Variants in PRR16 observed in about 807,000 individuals in gnomAD.
The protein encoded by PRR16 is protein Largen.
In PRR16, 6 loss-of-function variants were observed where a neutral mutation model predicts 18.2. The observed-to-expected ratio is 0.33, with a 90% CI of 0.18 to 0.65. PRR16 has a LOEUF of 0.65. Ranked by LOEUF, PRR16 falls within the 30% of genes least tolerant of loss-of-function variation. The probability of loss-of-function intolerance (pLI) is 0.74; values close to 1 mark genes in which losing one functional copy is unlikely to be tolerated. For synonymous variants in PRR16, 151 were observed against 147.8 expected (o/e 1.02, Z -0.16); for missense variants, 412 against 376.6 (o/e 1.09, Z -0.78).
intron 1 of PRR16, among the ~76,000 whole-genome samples, chr5:120,628,209 T>C (rs1015068263): frequency 2.0e-5 from 3 of 152,120 alleles, no homozygotes; most frequent in African/African-American, 7.2e-5. Context: ...CAGAACCTGA[T>C]GCGCTGACAG....
intron 1 of PRR16, among the ~76,000 whole-genome samples, chr5:120,569,282 T>G (rs2112732135): frequency 6.6e-6 from 1 of 152,282 alleles, no homozygotes; most frequent in Middle Eastern, 3.4e-3. Context: ...TTGTAAAAAC[T>G]TATAAAACTG....
At chr5:120,691,186 C>T (rs1470816056), downstream of PRR16, among the ~76,000 whole-genome samples, 1 of 152,138 alleles carries the variant, frequency 6.6e-6, no homozygotes, top group African/African-American at 2.4e-5. Flanking sequence ...TTTGTGCTGC[C>T]AGCACGACTC....
At chr5:120,742,653 ACTT>A in the PRR16 span, among the ~76,000 whole-genome samples, 1 of 152,096 alleles carries the variant, frequency 6.6e-6, no homozygotes, top group Non-Finnish European at 1.5e-5. Flanking sequence ...ATGCATCTAA[ACTT>A]CTTTCTATCT....
At chr5:120,706,072 A>G in the PRR16 span, among the ~76,000 whole-genome samples, 3 of 152,178 alleles carry the variant, frequency 2.0e-5, no homozygotes, top group African/African-American at 7.2e-5. Flanking sequence ...ATGGCTTCCA[A>G]TGGCCTTACA....
chr5:120,587,471 C>A (rs999102628), intron 1 of PRR16, among the ~76,000 whole-genome samples: 1 of 152,130 alleles, frequency 6.6e-6, no homozygotes, highest in Non-Finnish European at 1.5e-5. Context: ...CACCTGATGA[C>A]TTTAAGTTGA....
intron 1 of PRR16, among the ~76,000 whole-genome samples, chr5:120,666,907 G>A: frequency 2.1e-5 from 3 of 145,740 alleles, no homozygotes; most frequent in East Asian, 2.0e-4. Flanking sequence ...CAAGGATATT[G>A]GTCTAAAATT....
At chr5:120,703,524 G>C in the PRR16 span, among the ~76,000 whole-genome samples, 10 of 152,286 alleles carry the variant, frequency 6.6e-5, no homozygotes, top group Non-Finnish European at 1.0e-4. Context: ...TGTGTTTGAT[G>C]CAATCACTTT....
At chr5:120,560,339 A>G (rs956399739) in intron 1 of PRR16, among the ~76,000 whole-genome samples, 1 of 151,880 alleles carries the variant, frequency 6.6e-6, no homozygotes, top group Non-Finnish European at 1.5e-5. Flanking sequence ...AAGGGTTTTT[A>G]TCATGAAGGA....
rs77108237 is a variant in PRR16, at chr5:120,573,439, T to G, written c.159+108794T>G. Among the ~76,000 whole-genome samples, 180 of 152,294 alleles carry G rather than the reference T, an allele frequency of 1.2e-3. 4 individuals carry two copies. The East Asian group carries it at 0.03, about 25-fold the overall frequency. ...GGCCATAGTTCACACCATTATCTGT[T>G]GTCTTATTAATATGTCCTGCCTTGT... On this transcript the variant is annotated intron_variant, in intron 1 of 1. Transcript: ENST00000407149.
chr5:120,693,919 C>G, the PRR16 span, among the ~76,000 whole-genome samples: 3 of 152,172 alleles, frequency 2.0e-5, no homozygotes, highest in African/African-American at 7.2e-5. Context: ...AAGCTTAGTA[C>G]TCATTCCTCA....
At chr5:120,584,496 T>C (rs1338643776) in intron 1 of PRR16, among the ~76,000 whole-genome samples, 15 of 152,216 alleles carry the variant, frequency 9.9e-5, no homozygotes, top group African/African-American at 3.6e-4. Flanking sequence ...CTTGCTCTTA[T>C]TCTTGAATTT....
chr5:120,709,307 G>A, the PRR16 span, among the ~76,000 whole-genome samples: 13 of 151,934 alleles, frequency 8.6e-5, no homozygotes, highest in Admixed American at 4.6e-4. Context: ...GCACCCGGCC[G>A]CAATTAAGCT....
At chr5:120,612,946 T>C (rs183553890) in intron 1 of PRR16, among the ~76,000 whole-genome samples, 8 of 152,322 alleles carry the variant, frequency 5.3e-5, no homozygotes, top group Admixed American at 5.2e-4. Flanking sequence ...AAAACTCACA[T>C]TTTTATTTTG....
intron 1 of PRR16, among the ~76,000 whole-genome samples, chr5:120,676,522 ATGTGTGTG>A (rs60138197): frequency 7.9e-6 from 1 of 125,976 alleles, no homozygotes; most frequent in Non-Finnish European, 1.7e-5. Flanking sequence ...ATATATATAT[ATGTGTGTG>A]TGTGTGTGTG....
At chr5:120,669,931 C>T (rs374336571) in intron 1 of PRR16, among the ~76,000 whole-genome samples, 116 of 151,868 alleles carry the variant, frequency 7.6e-4, no homozygotes, top group Middle Eastern at 3.4e-3. Context: ...AGATAAACAA[C>T]GGCGTTTATA....
chr5:120,466,772 G>A (rs1749119439), intron 1 of PRR16, among the ~76,000 whole-genome samples: 1 of 152,190 alleles, frequency 6.6e-6, no homozygotes, highest in African/African-American at 2.4e-5. Context: ...CTATCTGACA[G>A]ATCTAGAGAT....
chr5:120,545,442 G>A (rs1752046029), intron 1 of PRR16, among the ~76,000 whole-genome samples: 1 of 151,964 alleles, frequency 6.6e-6, no homozygotes, highest in African/African-American at 2.4e-5. Flanking sequence ...ACTCATGTAT[G>A]GTGGTGGCTT....
intron 1 of PRR16, among the ~76,000 whole-genome samples, chr5:120,562,282 AT>A (rs1752599816): frequency 6.6e-6 from 1 of 151,874 alleles, no homozygotes; most frequent in Non-Finnish European, 1.5e-5. Context: ...ATTTTTTCTG[AT>A]ATAAGTATAA....
chr5:120,636,043 T>A (rs538227796), intron 1 of PRR16, among the ~76,000 whole-genome samples: 3 of 151,800 alleles, frequency 2.0e-5, no homozygotes, highest in Non-Finnish European at 4.4e-5. Context: ...AATAAATAAA[T>A]AAAATACTTA....
Sources: gnomAD v4.1 joint callset for allele counts (sites outside exome capture counted in the v4.1 genomes callset) on GRCh38, gnomAD v4.1.1 for gene constraint, MANE v1.5 for transcripts, NCBI Gene and HGNC (gene_info 2026-07-23, HGNC 2026-07-21) for gene names.